The following PHF20 variants were observed in gnomAD, a reference collection of about 807,000 sequenced individuals.
PHF20 encodes the protein PHD finger protein 20.
PHF20 carries 23 observed loss-of-function variants against 113.5 expected under a neutral mutation model. The ratio of observed to expected loss-of-function variants is 0.20; its 90% CI spans 0.15 to 0.29. The LOEUF is 0.29. Ranked by LOEUF, PHF20 falls within the 10% of genes least tolerant of loss-of-function variation. The pLI is 1.00. For synonymous variants in PHF20, 434 were observed against 457.3 expected, an observed-to-expected ratio of 0.95 and a Z score of 0.65; for missense variants, 943 against 1,219.6, an observed-to-expected ratio of 0.77 and a Z score of 3.38.
intron 11 of PHF20, 59 bp from the exon 12 acceptor site, chr20:35,913,974 T>C: frequency 2.0e-6 from 3 of 1,526,138 alleles, no homozygotes; most frequent in Non-Finnish European, 1.8e-6. Context: ...TGAGATTGAT[T>C]CTAGAATGCA....
chr20:35,866,715 G>A (rs1229317346), intron 6 of PHF20, among the ~76,000 whole-genome samples: 2 of 152,146 alleles, frequency 1.3e-5, no homozygotes. Context: ...AGGTATTCAT[G>A]CCCTGGCTTA....
chr20:35,891,934 A>C (rs1449297532), intron 9 of PHF20, among the ~76,000 whole-genome samples: 1 of 151,936 alleles, frequency 6.6e-6, no homozygotes, highest in Non-Finnish European at 1.5e-5. Context: ...GCAGTGGGCA[A>C]TCTTGGCTCA....
In PHF20 at chr20:35,915,267, G is replaced by C. The variant is rs556113530; in HGVS notation, c.1825+1070G>C. Among the ~76,000 whole-genome samples the C allele has an allele frequency of 2.2e-4, 33 of 149,852 alleles. No homozygotes were observed. The East Asian group carries it at 6.4e-3, about 29-fold the overall frequency. On this transcript the variant is annotated intron_variant, in intron 12 of 17. Coordinates refer to ENST00000374012, the MANE Select transcript of PHF20 (RefSeq NM_016436.5). ...GTAAGTGGATGTGCAGGTGAATGAT[G>C]GTATTTGTTCACACACACGACTCTT...
At chr20:35,852,905 CT>C (rs1012001904) in intron 4 of PHF20, among the ~76,000 whole-genome samples, 2 of 148,660 alleles carry the variant, frequency 1.3e-5, no homozygotes, top group African/African-American at 4.9e-5. Flanking sequence ...CCTGACTAAT[CT>C]TTTTTTCCTT....
rs565537798 is a variant in PHF20 at position 35,799,277 on chromosome 20, A to G, written c.-32-2214A>G. The stretch of plus-strand genomic sequence containing the variant: ...GAGTTTGAGATCAGCCTAGGAACAT[A>G]GATACTCTCTCTGCAAAAAAAAAAA... On this transcript the variant is annotated intron_variant, in intron 1 of 17. Transcript: ENST00000374012. Among the ~76,000 whole-genome samples, 10 of 133,508 alleles carry G rather than the reference A, an allele frequency of 7.5e-5. No homozygotes were observed. The East Asian group carries it at 2.4e-3, about 32-fold the overall frequency. The allele number at this position is 133,508 out of a possible 152,430, so 87.6% of individuals were successfully genotyped here. A position where few individuals can be genotyped will look rare whatever the true frequency, so the allele number is the denominator to read the frequency against.
At chr20:35,814,805 G>A (rs1393826154) in intron 2 of PHF20, among the ~76,000 whole-genome samples, 3 of 144,086 alleles carry the variant, frequency 2.1e-5, no homozygotes, top group Non-Finnish European at 3.0e-5. Flanking sequence ...CCCGGGAGGC[G>A]GAGCTTGCAA....
chr20:35,821,215 G>A (rs146619044), intron 2 of PHF20, among the ~76,000 whole-genome samples: 3 of 152,070 alleles, frequency 2.0e-5, no homozygotes, highest in African/African-American at 4.8e-5. Context: ...TTGGGAGGCC[G>A]AGGTGGGTGG....
chr20:35,885,784 C>T (rs2054719005), intron 9 of PHF20, among the ~76,000 whole-genome samples: 1 of 151,952 alleles, frequency 6.6e-6, no homozygotes, highest in Non-Finnish European at 1.5e-5. Flanking sequence ...GCTGTTATTA[C>T]CCCCTTTATA....
intron 2 of PHF20, among the ~76,000 whole-genome samples, chr20:35,816,438 T>C (rs1439183389): frequency 1.3e-5 from 2 of 152,090 alleles, no homozygotes; most frequent in Admixed American, 1.3e-4. Flanking sequence ...ATTTATGTCA[T>C]AAACTTTTTT....
intron 2 of PHF20, among the ~76,000 whole-genome samples, chr20:35,815,909 T>C (rs908602071): frequency 6.6e-6 from 1 of 152,082 alleles, no homozygotes; most frequent in African/African-American, 2.4e-5. Context: ...GAAATACATA[T>C]ATATTCCCCC....
In PHF20 at chr20:35,780,806, C is replaced by T. The variant is rs144604324; in HGVS notation, c.-33+8727C>T. ...CAGATGATCCACCAGCCTTGGCCTC[C>T]CAAAGTGCTGGGATTACAGACATGA... On this transcript the variant is annotated intron_variant, in intron 1 of 17. Coordinates refer to ENST00000374012, the MANE Select transcript of PHF20 (RefSeq NM_016436.5). Among the ~76,000 whole-genome samples, 1,269 of 151,292 alleles carry T rather than the reference C, an allele frequency of 8.4e-3. 14 individuals carry two copies. Among genetic ancestry groups the T allele is most frequent in the African/African-American group, 0.029 (1,181 of 41,096 alleles).
At chr20:35,809,974 G>C (rs936277286) in intron 2 of PHF20, among the ~76,000 whole-genome samples, 2 of 152,136 alleles carry the variant, frequency 1.3e-5, no homozygotes, top group Admixed American at 1.3e-4. Flanking sequence ...TTGTCGCCTA[G>C]GCTGGAGTGC....
At chr20:35,820,489 C>A (rs2042149649) in intron 2 of PHF20, among the ~76,000 whole-genome samples, 1 of 149,212 alleles carries the variant, frequency 6.7e-6, no homozygotes, top group African/African-American at 2.5e-5. Context: ...CACTCTGCCA[C>A]CCAGGCTGGA....
intron 1 of PHF20, among the ~76,000 whole-genome samples, chr20:35,782,107 G>A (rs1439872714): frequency 6.6e-6 from 1 of 152,018 alleles, no homozygotes; most frequent in Admixed American, 6.6e-5. Context: ...GGTTTGGGTT[G>A]CTTGACTGTC....
chr20:35,775,754 C>CAAAAAA (rs11167276), intron 1 of PHF20, among the ~76,000 whole-genome samples: 1 of 85,498 alleles, frequency 1.2e-5, no homozygotes, highest in African/African-American at 4.8e-5. Flanking sequence ...ACTCTGTCTC[C>CAAAAAA]AAAAAAAAAA....
chr20:35,903,076 T>TCCTATC (rs1482201973), intron 10 of PHF20, among the ~76,000 whole-genome samples: 3 of 123,466 alleles, frequency 2.4e-5, no homozygotes, highest in African/African-American at 1.3e-4. Context: ...TCCTATCCTT[T>TCCTATC]CTTTTTTTTT....
At chr20:35,834,247 GT>G (rs769738682) in intron 2 of PHF20, among the ~76,000 whole-genome samples, 8,113 of 111,124 alleles carry the variant, frequency 0.073, 101 homozygotes, top group Non-Finnish European at 0.084. Context: ...TACAGCTATG[GT>G]TTTTTTTTTT....
rs1463384720 is a variant in PHF20 at position 35,801,827 on chromosome 20, A to G, written c.83+222A>G. 4 of 350,168 alleles carry G rather than the reference A, an allele frequency of 1.1e-5. No homozygotes were observed. The East Asian group carries it at 1.5e-4, about 13-fold the overall frequency. 21.7% of individuals were successfully genotyped at this position (350,168 alleles called of 1,614,324 possible). On this transcript the variant is annotated intron_variant, in intron 2 of 17. Coordinates refer to ENST00000374012, the MANE Select transcript of PHF20 (RefSeq NM_016436.5). ...ATTTGTTTCCCCCTTTTGCCTGTTCATCTGAAAGAGTTCTGGGAAAAAGAA... is the reference window on the plus strand; with the variant it reads ...ATTTGTTTCCCCCTTTTGCCTGTTCGTCTGAAAGAGTTCTGGGAAAAAGAA...
chr20:35,933,753 G>A (rs1465941866), intron 15 of PHF20, among the ~76,000 whole-genome samples: 2 of 152,072 alleles, frequency 1.3e-5, no homozygotes, highest in South Asian at 2.1e-4. Context: ...GGCTGGTCTC[G>A]AGCTCCTGGC....
Sources: gnomAD v4.1 joint callset for allele counts (sites outside exome capture counted in the v4.1 genomes callset) on GRCh38, gnomAD v4.1.1 for gene constraint, MANE v1.5 for transcripts, NCBI Gene and HGNC (gene_info 2026-07-23, HGNC 2026-07-21) for gene names.